Variants in GRIN2A observed in about 807,000 individuals in gnomAD.
GRIN2A encodes glutamate receptor ionotropic, NMDA 2A.
Under a neutral mutation model 113.4 loss-of-function variants are expected in GRIN2A, and 22 were observed. The observed-to-expected ratio is 0.19, with a 90% CI of 0.14 to 0.28. The LOEUF (loss-of-function observed/expected upper bound fraction) is 0.28, where lower values mean the gene tolerates loss of function less well. Among genes scored for constraint, GRIN2A ranks in the 10% least tolerant of loss-of-function variants. GRIN2A has a pLI of 1.00. For missense variants in GRIN2A, 1,502 were observed against 1,887.0 expected, an observed-to-expected ratio of 0.80 and a Z score of 3.78; for synonymous variants, 827 against 738.4, an observed-to-expected ratio of 1.12 and a Z score of -1.94.
intron 11 of GRIN2A, among the ~76,000 whole-genome samples, chr16:9,769,740 T>G (rs1433102563): frequency 6.6e-6 from 1 of 152,158 alleles, no homozygotes; most frequent in African/African-American, 2.4e-5. Context: ...AGGACCCAGA[T>G]CATAGTAAGT....
chr16:10,084,008 G>C (rs775898184), intron 2 of GRIN2A, among the ~76,000 whole-genome samples: 1 of 152,174 alleles, frequency 6.6e-6, no homozygotes, highest in Non-Finnish European at 1.5e-5. Context: ...GGTTGAAGAA[G>C]GAGGGTCGCC....
chr16:9,884,900 A>AT (rs576791350), intron 4 of GRIN2A, among the ~76,000 whole-genome samples: 88 of 146,654 alleles, frequency 6.0e-4, no homozygotes, highest in African/African-American at 1.7e-3. Context: ...CAGGCACCTA[A>AT]TTTTTTTTTT....
intron 3 of GRIN2A, among the ~76,000 whole-genome samples, chr16:9,908,372 G>C (rs2044068313): frequency 6.6e-6 from 1 of 151,662 alleles, no homozygotes; most frequent in Non-Finnish European, 1.5e-5. Context: ...GTTTTGTTTT[G>C]TTTTGTTTTT....
chr16:9,797,489 C>T (rs950561060), intron 11 of GRIN2A, among the ~76,000 whole-genome samples: 1 of 152,294 alleles, frequency 6.6e-6, no homozygotes, highest in Non-Finnish European at 1.5e-5. Context: ...CTGGCCCAAG[C>T]GGCTTTACAG....
chr16:9,890,119 T>C (rs1158911583), intron 4 of GRIN2A, among the ~76,000 whole-genome samples: 3 of 152,174 alleles, frequency 2.0e-5, no homozygotes, highest in Non-Finnish European at 4.4e-5. Flanking sequence ...AGGCCTCCAT[T>C]TGATGTACTA....
At chr16:10,158,594 A>T (rs1284088209) in intron 2 of GRIN2A, among the ~76,000 whole-genome samples, 1 of 152,258 alleles carries the variant, frequency 6.6e-6, no homozygotes, top group Non-Finnish European at 1.5e-5. Flanking sequence ...AGCCATGAAA[A>T]GGAATAAAGT....
intron 2 of GRIN2A, among the ~76,000 whole-genome samples, chr16:9,984,474 C>T (rs937831480): frequency 2.0e-5 from 3 of 152,166 alleles, no homozygotes; most frequent in Admixed American, 6.5e-5. Flanking sequence ...CTAGCAGTTT[C>T]ACAGTTTTAG....
At chr16:10,073,066 C>T (rs964699184) in intron 2 of GRIN2A, among the ~76,000 whole-genome samples, 1 of 151,644 alleles carries the variant, frequency 6.6e-6, no homozygotes, top group African/African-American at 2.4e-5. Flanking sequence ...AGAGATTCCC[C>T]TCCCTCAGCC....
At chr16:9,901,324 A>G (rs2043919203) in intron 3 of GRIN2A, among the ~76,000 whole-genome samples, 1 of 152,178 alleles carries the variant, frequency 6.6e-6, no homozygotes, top group Non-Finnish European at 1.5e-5. Context: ...AATTACAACT[A>G]GACATCCAGT....
intron 2 of GRIN2A, among the ~76,000 whole-genome samples, chr16:10,030,967 G>A (rs984591054): frequency 6.6e-6 from 1 of 152,080 alleles, no homozygotes; most frequent in Non-Finnish European, 1.5e-5. Context: ...CCATCTAGGG[G>A]GTAGGCTCTG....
At chr16:9,882,329 C>A (rs1454042119) in intron 4 of GRIN2A, among the ~76,000 whole-genome samples, 1 of 152,198 alleles carries the variant, frequency 6.6e-6, no homozygotes, top group East Asian at 1.9e-4. Context: ...CAGTCAGAAC[C>A]ACAGACTCAA....
At position 10,118,339 on chromosome 16, in the gene GRIN2A, TATGGTCAC is replaced by T. The variant is rs768460339; in HGVS notation, c.414+61651_414+61658del. Among the ~76,000 whole-genome samples, 412 of 152,280 alleles carry T rather than the reference TATGGTCAC, an allele frequency of 2.7e-3. 2 individuals carry two copies. The highest frequency in any genetic ancestry group is 4.3e-3 in the Non-Finnish European group (295 of 68,030). On this transcript the variant is annotated intron_variant, in intron 2 of 12. Transcript: ENST00000330684. ...TATATCTCTGGCTAATAAAGGGAACTATGGTCACCCCCACCCCACCCCACGCAGCAATT... is the reference window on the plus strand; with the variant it reads ...TATATCTCTGGCTAATAAAGGGAACTCCCCACCCCACCCCACGCAGCAATT...
chr16:9,761,465 T>G lies in GRIN2A; in HGVS notation c.*1684A>C, dbSNP rs117255813. ...GACTGAGGTCTTCTGCAAACACTGATGGCTAGTTATCCCAAATACTTCAAA... is the reference window on the plus strand; with the variant it reads ...GACTGAGGTCTTCTGCAAACACTGAGGGCTAGTTATCCCAAATACTTCAAA... On this transcript the variant is annotated 3_prime_UTR_variant, in exon 13 of 13. Transcript: ENST00000330684. 420 of 230,952 alleles carry G rather than the reference T, an allele frequency of 1.8e-3. 5 individuals are homozygous for G. The East Asian group carries it at 0.024, about 13-fold the overall frequency. The allele number at this position is 230,952 out of a possible 1,614,324, so 14.3% of individuals were successfully genotyped here.
rs777484952 is a variant in GRIN2A at position 9,753,622 on chromosome 16, T to C, written c.*9527A>G. ...ACTACAAGAAGACAACCATAGTATA[T>C]ACTTCCTCTATCATAGAAAGGTGTT... On this transcript the variant is annotated 3_prime_UTR_variant, in exon 13 of 13. Transcript: ENST00000330684. 1 of 195,762 alleles carries C rather than the reference T, an allele frequency of 5.1e-6. No individual in the cohort carries two copies. Among genetic ancestry groups the C allele is most frequent in the African/African-American group, 2.3e-5 (1 of 43,280 alleles). 12.1% of individuals were successfully genotyped at this position (195,762 alleles called of 1,614,324 possible).
At position 9,763,568 on chromosome 16, in the gene GRIN2A, C is replaced by T. The variant is rs1268143219; in HGVS notation, c.3976G>A (p.Gly1326Ser). ...CTTGAGGGGACACTAAACAGGCTGC[C>T]GTAAAAATTTCCCTCCAGAAGCCGT... is the stretch of plus-strand genomic sequence containing the variant. ...RERLLEGNFY[G>S]SLFSVPSSKL... Residue 1326 changes from glycine (G) to serine (S), a missense_variant, in exon 13 of 13, where the codon GGC becomes AGC. Physicochemically the swap from Gly to Ser is moderately conservative, Grantham distance 56. Transcript: ENST00000330684. 9 of 1,613,834 alleles carry T rather than the reference C, an allele frequency of 5.6e-6. No individual in the cohort carries two copies. Among genetic ancestry groups the T allele is most frequent in the East Asian group, 2.2e-5 (1 of 44,866 alleles).
chr16:10,054,108 A>G (rs1331182493), intron 2 of GRIN2A, among the ~76,000 whole-genome samples: 6 of 152,214 alleles, frequency 3.9e-5, no homozygotes, highest in Admixed American at 1.3e-4. Context: ...ATAAAGAAAC[A>G]AAGCTAAAAA....
At chr16:9,873,696 T>G (rs1266392596) in intron 4 of GRIN2A, among the ~76,000 whole-genome samples, 1 of 152,228 alleles carries the variant, frequency 6.6e-6, no homozygotes, top group Admixed American at 6.5e-5. Flanking sequence ...TAAATCTTAG[T>G]CTCTTCACCT....
intron 10 of GRIN2A, among the ~76,000 whole-genome samples, chr16:9,804,227 T>C (rs746690645): frequency 6.6e-6 from 1 of 152,140 alleles, no homozygotes; most frequent in African/African-American, 2.4e-5. Flanking sequence ...AGTGTCAGAG[T>C]ATTGGTCTGA....
intron 3 of GRIN2A, among the ~76,000 whole-genome samples, chr16:9,897,628 G>A: frequency 6.6e-6 from 1 of 152,128 alleles, no homozygotes; most frequent in East Asian, 1.9e-4. Flanking sequence ...ATTTTAGGTT[G>A]ATTTCATGTT....
Sources: gnomAD v4.1 joint callset for allele counts (sites outside exome capture counted in the v4.1 genomes callset) on GRCh38, gnomAD v4.1.1 for gene constraint, MANE v1.5 for transcripts, NCBI Gene and HGNC (gene_info 2026-07-23, HGNC 2026-07-21) for gene names.